The following TGFBR2 variants were observed in gnomAD, a reference collection of about 807,000 sequenced individuals.
The protein encoded by TGFBR2 is TGF-beta receptor type-2.
In TGFBR2, 18 loss-of-function variants were observed where a neutral mutation model predicts 49.0. The ratio of observed to expected loss-of-function variants is 0.37; its 90% CI spans 0.25 to 0.54. The LOEUF (loss-of-function observed/expected upper bound fraction) is 0.54, where lower values mean the gene tolerates loss of function less well. Among genes scored for constraint, TGFBR2 ranks in the 20% least tolerant of loss-of-function variants. The probability of loss-of-function intolerance (pLI) is 0.85; values close to 1 mark genes in which losing one functional copy is unlikely to be tolerated. For missense variants in TGFBR2, 525 were observed against 722.6 expected, an observed-to-expected ratio of 0.73 and a Z score of 3.13; for synonymous variants, 282 against 275.9, an observed-to-expected ratio of 1.02 and a Z score of -0.22.
intron 3 of TGFBR2, among the ~76,000 whole-genome samples, chr3:30,651,154 G>T (rs1398364147): frequency 6.6e-6 from 1 of 152,172 alleles, no homozygotes; most frequent in East Asian, 1.9e-4. Context: ...TTTTTAATAA[G>T]AAGAGAATTC....
intron 1 of TGFBR2, among the ~76,000 whole-genome samples, chr3:30,608,112 T>A (rs1697964431): frequency 6.6e-6 from 1 of 151,946 alleles, no homozygotes; most frequent in South Asian, 2.1e-4. Context: ...CTAATTTTTG[T>A]ATTTTTAGTA....
intron 1 of TGFBR2, among the ~76,000 whole-genome samples, chr3:30,638,215 A>G (rs1022581598): frequency 1.3e-5 from 2 of 152,220 alleles, no homozygotes; most frequent in Non-Finnish European, 1.5e-5. Context: ...ATTGATAATG[A>G]TTTTAAATGG....
At chr3:30,646,303 T>C (rs1168990185) in intron 2 of TGFBR2, among the ~76,000 whole-genome samples, 9 of 152,204 alleles carry the variant, frequency 5.9e-5, no homozygotes, top group Admixed American at 5.9e-4. Context: ...TATGATATGA[T>C]ACCTGTCCAT....
intron 3 of TGFBR2, among the ~76,000 whole-genome samples, chr3:30,658,075 T>A (rs2125418472): frequency 6.6e-6 from 1 of 152,346 alleles, no homozygotes; most frequent in Admixed American, 6.5e-5. Flanking sequence ...GCTACTCAAC[T>A]CTTCTGTGGT....
intron 3 of TGFBR2, among the ~76,000 whole-genome samples, chr3:30,657,579 G>T (rs1699030639): frequency 2.0e-5 from 3 of 152,160 alleles, no homozygotes; most frequent in Admixed American, 6.5e-5. Flanking sequence ...ATTATTTTGA[G>T]GATAAATGTA....
intron 5 of TGFBR2, among the ~76,000 whole-genome samples, chr3:30,684,614 C>G (rs1304967977): frequency 6.6e-6 from 1 of 152,108 alleles, no homozygotes; most frequent in Non-Finnish European, 1.5e-5. Context: ...GCACAAGGAG[C>G]CAGTCCTTTT....
Position 30,692,758 on chromosome 3 carries a change from ATATGT to A in TGFBR2, c.*1161_*1165del. ...GACTATGACCTCAGGCACTCTAAAC[ATATGT>A]TTTGTTTGGTCAGCACAGCGTTTCA... is the stretch of plus-strand genomic sequence containing the variant. On this transcript the variant is annotated 3_prime_UTR_variant, in exon 7 of 7. Transcript: ENST00000295754. 1 of 233,220 alleles carries A rather than the reference ATATGT, an allele frequency of 4.3e-6. No individual in the cohort carries two copies. The highest frequency in any genetic ancestry group is 8.5e-6 in the Non-Finnish European group (1 of 117,936). 14.4% of individuals were successfully genotyped at this position (233,220 alleles called of 1,614,324 possible).
intron 2 of TGFBR2, among the ~76,000 whole-genome samples, chr3:30,647,668 AATT>A (rs57328659): frequency 6.6e-6 from 1 of 151,334 alleles, no homozygotes; most frequent in Non-Finnish European, 1.5e-5. Flanking sequence ...TTATAACCAA[AATT>A]ATTATTATTA....
At position 30,652,654 on chromosome 3, in the gene TGFBR2, A is replaced by G. The variant is rs553250970; in HGVS notation, c.454+2194A>G. 1.6e-4 allele frequency among the ~76,000 whole-genome samples: 24 copies of G among 152,252 alleles called. No individual in the cohort carries two copies. In the South Asian group the frequency reaches 4.8e-3, roughly 30 times the overall value. On this transcript the variant is annotated intron_variant, in intron 3 of 6. Coordinates refer to ENST00000295754, the MANE Select transcript of TGFBR2 (RefSeq NM_003242.6). ...CTTTCTTCAAGTAGATCACCTTTTA[A>G]AAGAAGGCCTAGGCTAAGCCAAAGG... is the stretch of plus-strand genomic sequence containing the variant.
At chr3:30,649,797 C>T (rs1421671476) in intron 2 of TGFBR2, among the ~76,000 whole-genome samples, 2 of 152,134 alleles carry the variant, frequency 1.3e-5, no homozygotes, top group Non-Finnish European at 2.9e-5. Flanking sequence ...ACTATTTCCC[C>T]AGGCATGCTC....
rs888374612 is a variant in TGFBR2, at chr3:30,693,846, T to G, written c.*2247T>G. 1.3e-5 allele frequency: 3 copies of G among 232,888 alleles called. No individual in the cohort carries two copies. The highest frequency in any genetic ancestry group is 2.6e-5 in the Non-Finnish European group (3 of 117,628). 14.4% of individuals were successfully genotyped at this position (232,888 alleles called of 1,614,324 possible). On this transcript the variant is annotated 3_prime_UTR_variant, in exon 7 of 7. Coordinates refer to ENST00000295754, the MANE Select transcript of TGFBR2 (RefSeq NM_003242.6). ...TGGCTTGTTTTGTTTATGTTTTTTTTTCTTATTCAAGAAAAAAGACCAAGG... is the reference window on the plus strand; with the variant it reads ...TGGCTTGTTTTGTTTATGTTTTTTTGTCTTATTCAAGAAAAAAGACCAAGG...
intron 2 of TGFBR2, among the ~76,000 whole-genome samples, chr3:30,648,449 CA>C (rs1698814621): frequency 6.1e-5 from 8 of 131,616 alleles, no homozygotes; most frequent in East Asian, 5.4e-4. Context: ...CACACACACA[CA>C]CACACACACA....
At chr3:30,613,978 T>A in intron 1 of TGFBR2, among the ~76,000 whole-genome samples, 1 of 152,166 alleles carries the variant, frequency 6.6e-6, no homozygotes, top group Non-Finnish European at 1.5e-5. Context: ...ATTTTTTCCC[T>A]GGAATAGACA....
chr3:30,688,605 G>A, intron 6 of TGFBR2, 94 bp downstream of exon 6: 2 of 1,554,000 alleles, frequency 1.3e-6, no homozygotes, highest in African/African-American at 1.4e-5. Context: ...AAATCTGAGG[G>A]AAGGTCCCAT....
rs188748491 is a variant in TGFBR2 at position 30,689,168 on chromosome 3, T to C, written c.1524+657T>C. Among the ~76,000 whole-genome samples, 307 of 152,282 alleles carry C rather than the reference T, an allele frequency of 2.0e-3. 1 individual carries two copies. Among genetic ancestry groups the C allele is most frequent in the Middle Eastern group, 0.014 (4 of 294 alleles). On this transcript the variant is annotated intron_variant, in intron 6 of 6. Coordinates refer to ENST00000295754, the MANE Select transcript of TGFBR2 (RefSeq NM_003242.6). ...TTTTTCCTTGTTAAGAAATGCTAGC[T>C]AAGGCTGTCCATAGCAGGGCAGTCA...
Position 30,606,760 on chromosome 3 carries a change from C to T in TGFBR2, c.-124C>T. 1 of 677,118 alleles carries T rather than the reference C, an allele frequency of 1.5e-6. No individual in the cohort carries two copies. Among genetic ancestry groups the T allele is most frequent in the Non-Finnish European group, 2.1e-6 (1 of 469,930 alleles). The allele number at this position is 677,118 out of a possible 1,614,324, so 41.9% of individuals were successfully genotyped here. ...GAGCGGGCGCCACATCTGGCCCGCA[C>T]ATCTGCGCTGCCGGCCCGGCGCGGG... On this transcript the variant is annotated 5_prime_UTR_variant, in exon 1 of 7. Coordinates refer to ENST00000295754, the MANE Select transcript of TGFBR2 (RefSeq NM_003242.6).
rs1342695290 is a variant in TGFBR2, at chr3:30,676,143, A to G, written c.1396+1897A>G. ...TTACCACAGAAATGATAGTGTGCCT[A>G]TCTTCAGTGCGTCATATCAGGGGGA... is the stretch of plus-strand genomic sequence containing the variant. On this transcript the variant is annotated intron_variant, in intron 5 of 6. Transcript: ENST00000295754. This position sits in a 1 kb window ranked among gnomAD's most constrained non-coding sequence, Gnocchi z 4.3. Among the ~76,000 whole-genome samples the G allele has an allele frequency of 6.6e-6, 1 of 152,208 alleles. No homozygotes were observed. Among genetic ancestry groups the G allele is most frequent in the Non-Finnish European group, 1.5e-5 (1 of 68,038 alleles).
At chr3:30,660,746 T>G (rs1489393898) in intron 3 of TGFBR2, among the ~76,000 whole-genome samples, 2 of 152,214 alleles carry the variant, frequency 1.3e-5, no homozygotes, top group African/African-American at 2.4e-5. Flanking sequence ...AACGGCCTCA[T>G]TGGGAATAGG....
intron 3 of TGFBR2, among the ~76,000 whole-genome samples, chr3:30,667,871 C>T (rs1699270642): frequency 6.6e-6 from 1 of 152,004 alleles, no homozygotes; most frequent in South Asian, 2.1e-4. Context: ...CACATTTGGC[C>T]AAAGTGAAGT....
Sources: gnomAD v4.1 joint callset for allele counts (sites outside exome capture counted in the v4.1 genomes callset) on GRCh38, gnomAD v4.1.1 for gene constraint, Gnocchi (gnomAD v3.1) non-coding constraint, MANE v1.5 for transcripts, NCBI Gene and HGNC (gene_info 2026-07-23, HGNC 2026-07-21) for gene names.